Variants in BRINP3 observed in about 807,000 individuals in gnomAD.
BRINP3 encodes BMP/retinoic acid-inducible neural-specific protein 3.
In BRINP3, 19 loss-of-function variants were observed where a neutral mutation model predicts 71.0. The observed-to-expected ratio is 0.27, with a 90% CI of 0.19 to 0.39. BRINP3 has a LOEUF of 0.39. Ranked by LOEUF, BRINP3 falls within the 10% of genes least tolerant of loss-of-function variation. BRINP3 has a pLI of 1.00. For synonymous variants in BRINP3, 380 were observed against 337.7 expected (o/e 1.13, Z -1.37); for missense variants, 959 against 940.8 (o/e 1.02, Z -0.25).
chr1:190,472,812 TACACACACACAC>T (rs67049979), intron 1 of BRINP3, among the ~76,000 whole-genome samples: 6 of 147,488 alleles, frequency 4.1e-5, no homozygotes, highest in Admixed American at 4.1e-4. Flanking sequence ...TGGTAGAAAT[TACACACACACAC>T]ACACACACAC....
In BRINP3 at chr1:190,098,172, G is replaced by C; in HGVS notation, c.2147C>G (p.Pro716Arg). ...GAAAAGATCTAGACGACGCTGACCAGGTGGGGAGAGTTTATTTACACGGTC... is the reference window on the plus strand; with the variant it reads ...GAAAAGATCTAGACGACGCTGACCACGTGGGGAGAGTTTATTTACACGGTC... ...IRDRVNKLSP[P>R]GQRRLDLFSC... The change falls in exon 8 of 8, where the codon CCT becomes CGT. Residue 716 changes from proline to arginine, a missense_variant. Pro to Arg is a moderately radical substitution (Grantham distance 103). Coordinates refer to ENST00000367462, the MANE Select transcript of BRINP3 (RefSeq NM_199051.3). 6.2e-7 allele frequency: 1 copy of C among 1,614,156 alleles called. No homozygotes were observed. Among genetic ancestry groups the C allele is most frequent in the Non-Finnish European group, 8.5e-7 (1 of 1,180,024 alleles).
At chr1:190,260,047 A>C (rs953177507) in intron 4 of BRINP3, among the ~76,000 whole-genome samples, 4 of 150,082 alleles carry the variant, frequency 2.7e-5, no homozygotes, top group African/African-American at 9.7e-5. Context: ...TGGAAAAAAA[A>C]AAAAGAAGCA....
intron 4 of BRINP3, among the ~76,000 whole-genome samples, chr1:190,245,867 C>T (rs952553228): frequency 2.0e-5 from 3 of 150,504 alleles, no homozygotes; most frequent in Admixed American, 1.3e-4. Flanking sequence ...GTTTTTTTGT[C>T]CTTGCGATAG....
chr1:190,339,758 C>T (rs1571794611), intron 2 of BRINP3, among the ~76,000 whole-genome samples: 2 of 151,818 alleles, frequency 1.3e-5, no homozygotes, highest in African/African-American at 2.4e-5. Flanking sequence ...TTTCTGTTAT[C>T]GTATGGGTGT....
At chr1:190,306,703 T>G (rs1004530496) in intron 2 of BRINP3, among the ~76,000 whole-genome samples, 2 of 151,764 alleles carry the variant, frequency 1.3e-5, no homozygotes, top group African/African-American at 4.8e-5. Context: ...GCAACTATTT[T>G]AGCACAGATA....
intron 2 of BRINP3, among the ~76,000 whole-genome samples, chr1:190,418,407 G>A (rs1044179966): frequency 5.3e-5 from 8 of 152,056 alleles, no homozygotes; most frequent in South Asian, 4.2e-4. Flanking sequence ...TTGTGACCCC[G>A]TATTCCAAAT....
At chr1:190,413,761 C>T (rs538642228) in intron 2 of BRINP3, among the ~76,000 whole-genome samples, 238 of 152,166 alleles carry the variant, frequency 1.6e-3, no homozygotes, top group Admixed American at 3.3e-3. Flanking sequence ...CCAAGATTTT[C>T]GTACTATGTT....
intron 2 of BRINP3, among the ~76,000 whole-genome samples, chr1:190,397,622 C>G (rs1054068402): frequency 6.6e-6 from 1 of 151,900 alleles, no homozygotes; most frequent in Non-Finnish European, 1.5e-5. Flanking sequence ...TTCCCTGAAT[C>G]AGAAAGTTTA....
chr1:190,296,039 T>G lies in BRINP3; in HGVS notation c.237-14289A>C, dbSNP rs553840372. Among the ~76,000 whole-genome samples, 3 of 150,092 alleles carry G rather than the reference T, an allele frequency of 2.0e-5. No individual in the cohort carries two copies. In the East Asian group the frequency reaches 6.0e-4, roughly 30 times the overall value. Reference sequence around the variant, plus strand: ...TCTGGCTCCTCATTTGTCTATATTTTTGTTTGTTTGTTTGTTTGCTTTTGT... The same window carrying G: ...TCTGGCTCCTCATTTGTCTATATTTGTGTTTGTTTGTTTGTTTGCTTTTGT... On this transcript the variant is annotated intron_variant, in intron 2 of 7. Coordinates refer to ENST00000367462, the MANE Select transcript of BRINP3 (RefSeq NM_199051.3).
At chr1:190,278,072 T>C (rs932638868) in intron 3 of BRINP3, among the ~76,000 whole-genome samples, 1 of 151,702 alleles carries the variant, frequency 6.6e-6, no homozygotes, top group South Asian at 2.1e-4. Flanking sequence ...AAGTTTTATG[T>C]CTACATCAAT....
rs368561968 is a variant in BRINP3, at chr1:190,469,296, G to A, written c.-51+8152C>T. On this transcript the variant is annotated intron_variant, in intron 1 of 7. Transcript: ENST00000367462. ...CATTTATAAAATGTACTATTACTGT[G>A]TCTTTATATATTAGTGAACTGGTCT... Among the ~76,000 whole-genome samples, 40 of 150,910 alleles carry A rather than the reference G, an allele frequency of 2.7e-4. No homozygotes were observed. In the South Asian group the frequency reaches 7.9e-3, roughly 30 times the overall value.
chr1:190,377,479 A>T (rs760246502), intron 2 of BRINP3, among the ~76,000 whole-genome samples: 14 of 151,822 alleles, frequency 9.2e-5, no homozygotes, highest in Non-Finnish European at 1.3e-4. Context: ...CAGACCACTT[A>T]GGTTTAAAAA....
At chr1:190,235,137 G>A (rs1658392430) in intron 4 of BRINP3, among the ~76,000 whole-genome samples, 1 of 152,010 alleles carries the variant, frequency 6.6e-6, no homozygotes, top group Admixed American at 6.6e-5. Flanking sequence ...TTAAGCTCAT[G>A]TTCAAACATT....
chr1:190,158,859 C>T (rs1657098419), intron 7 of BRINP3, among the ~76,000 whole-genome samples: 3 of 149,914 alleles, frequency 2.0e-5, no homozygotes, highest in Non-Finnish European at 4.5e-5. Flanking sequence ...AAACTGACCA[C>T]AGGGAGGGGG....
chr1:190,334,206 A>AT (rs1261300229), intron 2 of BRINP3, among the ~76,000 whole-genome samples: 3 of 151,780 alleles, frequency 2.0e-5, no homozygotes, highest in Non-Finnish European at 4.4e-5. Flanking sequence ...AAGCAGCTTG[A>AT]TTTTGTCTTC....
At chr1:190,131,456 G>A (rs1557993860) in intron 7 of BRINP3, among the ~76,000 whole-genome samples, 1 of 151,962 alleles carries the variant, frequency 6.6e-6, no homozygotes, top group Non-Finnish European at 1.5e-5. Flanking sequence ...TTCCAGGTTA[G>A]AAACTCATGT....
chr1:190,450,338 T>C (rs1675524107), intron 2 of BRINP3, among the ~76,000 whole-genome samples: 2 of 152,204 alleles, frequency 1.3e-5, no homozygotes, highest in Admixed American at 1.3e-4. Context: ...GCTAGTCTTA[T>C]AACTTTTAAG....
At chr1:190,245,709 C>T (rs1243008069) in intron 4 of BRINP3, among the ~76,000 whole-genome samples, 2 of 151,104 alleles carry the variant, frequency 1.3e-5, no homozygotes, top group Non-Finnish European at 2.9e-5. Context: ...CCCATCAACT[C>T]GTCATTTACA....
At position 190,296,828 on chromosome 1, in the gene BRINP3, T is replaced by C. The variant is rs549423601; in HGVS notation, c.237-15078A>G. Among the ~76,000 whole-genome samples, 346 of 152,018 alleles carry C rather than the reference T, an allele frequency of 2.3e-3. 3 individuals carry two copies. Among genetic ancestry groups the C allele is most frequent in the African/African-American group, 7.8e-3 (323 of 41,494 alleles). On this transcript the variant is annotated intron_variant, in intron 2 of 7. Coordinates refer to ENST00000367462, the MANE Select transcript of BRINP3 (RefSeq NM_199051.3). ...GATAGCATAAAAAAGAATAAAAGGC[T>C]TAGGAGTAAATTTAACCAAATAAGT...
Sources: gnomAD v4.1 joint callset for allele counts (sites outside exome capture counted in the v4.1 genomes callset) on GRCh38, gnomAD v4.1.1 for gene constraint, MANE v1.5 for transcripts, NCBI Gene and HGNC (gene_info 2026-07-23, HGNC 2026-07-21) for gene names.